The following KIRREL1 variants were observed in gnomAD, a reference collection of about 807,000 sequenced individuals.
KIRREL1 encodes kin of IRRE-like protein 1.
A neutral mutation model predicts 83.3 loss-of-function variants in KIRREL1; 25 were observed. The ratio of observed to expected loss-of-function variants is 0.30; its 90% confidence interval spans 0.22 to 0.42. KIRREL1 has a LOEUF of 0.42. Among genes scored for constraint, KIRREL1 ranks in the 10% least tolerant of loss-of-function variants. The probability of loss-of-function intolerance (pLI) is 1.00; values close to 1 mark genes in which losing one functional copy is unlikely to be tolerated. For missense variants in KIRREL1, 812 were observed against 1,032.3 expected (o/e 0.79, Z 2.92); for synonymous variants, 388 against 410.4 (o/e 0.95, Z 0.66).
At chr1:158,040,965 G>T (rs948326178) in intron 1 of KIRREL1, among the ~76,000 whole-genome samples, 5 of 152,176 alleles carry the variant, frequency 3.3e-5, no homozygotes, top group South Asian at 2.1e-4. Context: ...TAGGGGTAGG[G>T]GGAGCTGGGC....
chr1:158,010,326 A>AACACAC (rs56353855), intron 1 of KIRREL1, among the ~76,000 whole-genome samples: 3,874 of 72,176 alleles, frequency 0.054, 230 homozygotes, highest in African/African-American at 0.12. Context: ...CCCCACCATA[A>AACACAC]ACACACACAC....
chr1:158,023,753 C>T (rs1380601467), intron 1 of KIRREL1, among the ~76,000 whole-genome samples: 1 of 152,178 alleles, frequency 6.6e-6, no homozygotes, highest in Non-Finnish European at 1.5e-5. Flanking sequence ...AGATCTCTTC[C>T]AGCTTTAAGA....
rs1662144096 is a variant in KIRREL1 at position 158,089,949 on chromosome 1, T to TAC, written c.1272+131_1272+132insAC. ...GTTTCCATCCTCGAATCTTCTGCTT[T>TAC]CTGTCCCTCTGTCCCTTTACCTGCT... On this transcript the variant is annotated intron_variant, in intron 10 of 14. Transcript: ENST00000359209. 6.1e-5 allele frequency: 44 copies of TAC among 721,654 alleles called. No individual in the cohort carries two copies. In the South Asian group the frequency reaches 7.6e-4, roughly 12 times the overall value. The allele number at this position is 721,654 out of a possible 1,614,324, so 44.7% of individuals were successfully genotyped here.
At chr1:158,039,444 T>C (rs1660566415) in intron 1 of KIRREL1, among the ~76,000 whole-genome samples, 1 of 152,174 alleles carries the variant, frequency 6.6e-6, no homozygotes, top group African/African-American at 2.4e-5. Context: ...AGAAAACAAT[T>C]AGTGGTATTG....
intron 1 of KIRREL1, among the ~76,000 whole-genome samples, chr1:158,005,667 G>A (rs1659496791): frequency 6.6e-6 from 1 of 152,032 alleles, no homozygotes; most frequent in Non-Finnish European, 1.5e-5. Flanking sequence ...TAAAAACTGG[G>A]TCATGAGCAA....
intron 1 of KIRREL1, among the ~76,000 whole-genome samples, chr1:157,995,076 G>C (rs142716869): frequency 5.0e-4 from 76 of 152,328 alleles, no homozygotes; most frequent in African/African-American, 1.6e-3. Context: ...CCTCTTTTAG[G>C]GGGTGTCTGG....
chr1:158,015,539 G>A lies in KIRREL1; in HGVS notation c.52+21811G>A, dbSNP rs191962778. Among the ~76,000 whole-genome samples the A allele has an allele frequency of 9.8e-5, 15 of 152,338 alleles. No homozygotes were observed. In the East Asian group the frequency reaches 2.5e-3, roughly 25 times the overall value. ...GGAATGCTTTAAGGAACAGCCCTGT[G>A]AGACTCCTTACTGCATTTATGGTAG... On this transcript the variant is annotated intron_variant, in intron 1 of 14. Transcript: ENST00000359209.
chr1:158,091,593 G>A, intron 11 of KIRREL1, 37 bp downstream of exon 11: 2 of 1,593,838 alleles, frequency 1.3e-6, no homozygotes, highest in Non-Finnish European at 1.7e-6. Flanking sequence ...GGGGTGCAGA[G>A]CAGCCTGAGG....
Position 158,041,202 on chromosome 1 carries a change from C to T in KIRREL1, c.53-34911C>T, listed in dbSNP as rs571075656. 6.6e-5 allele frequency among the ~76,000 whole-genome samples: 10 copies of T among 152,268 alleles called. No individual in the cohort carries two copies. The South Asian group carries it at 1.9e-3, about 28-fold the overall frequency. On this transcript the variant is annotated intron_variant, in intron 1 of 14. Coordinates refer to ENST00000359209, the MANE Select transcript of KIRREL1 (RefSeq NM_018240.7). ...GTTGTGCTAGAGGGGAGAACAGGTC[C>T]TGTAGAGGCCTTGGGGAGGGTCAGC... is the stretch of plus-strand genomic sequence containing the variant.
At chr1:158,077,525 CCT>C (rs774891694) in intron 2 of KIRREL1, among the ~76,000 whole-genome samples, 2 of 152,138 alleles carry the variant, frequency 1.3e-5, no homozygotes, top group African/African-American at 2.4e-5. Context: ...CCAGCGGTCC[CCT>C]GCCTCATCCT....
At chr1:158,081,506 A>C (rs1661854836) in intron 3 of KIRREL1, among the ~76,000 whole-genome samples, 1 of 152,148 alleles carries the variant, frequency 6.6e-6, no homozygotes, top group South Asian at 2.1e-4. Flanking sequence ...TGTATTTTTG[A>C]AGTTTTATAA....
Position 158,093,680 on chromosome 1 carries a change from A to G in KIRREL1, c.1637A>G (p.Glu546Gly). Residue 546 changes from glutamate to glycine, a missense_variant, in exon 13 of 15, where the codon GAG becomes GGG. Glu to Gly is a moderately conservative substitution (Grantham distance 98). Transcript: ENST00000359209. The stretch of plus-strand genomic sequence containing the variant: ...ATCAAGGTGGAGACAGTGAACCGAG[A>G]GCCACTTACGATGCATTCTGACCGG... ...LDIKVETVNR[E>G]PLTMHSDRED... is the part of the protein sequence containing the mutation. 6.2e-7 allele frequency: 1 copy of G among 1,614,146 alleles called. No homozygotes were observed. The highest frequency in any genetic ancestry group is 1.1e-5 in the South Asian group (1 of 91,080).
At chr1:157,993,787 T>C in intron 1 of KIRREL1, 59 bp downstream of exon 1, 1 of 1,183,450 alleles carries the variant, frequency 8.4e-7, no homozygotes, top group Non-Finnish European at 1.2e-6. Flanking sequence ...GGGGCACTGC[T>C]TCCCCGGTGG....
intron 1 of KIRREL1, 75 bp downstream of exon 1, chr1:157,993,803 T>G: frequency 2.0e-6 from 2 of 994,652 alleles, no homozygotes; most frequent in Non-Finnish European, 1.4e-6. Flanking sequence ...GGTGGGAGAG[T>G]GCTGGAGTGC....
At chr1:158,063,282 G>C (rs1480251563) in intron 1 of KIRREL1, among the ~76,000 whole-genome samples, 1 of 152,060 alleles carries the variant, frequency 6.6e-6, no homozygotes, top group Non-Finnish European at 1.5e-5. Flanking sequence ...TTGGAAGTCA[G>C]ATAAGAAAAA....
intron 1 of KIRREL1, among the ~76,000 whole-genome samples, chr1:158,056,491 G>T (rs756353338): frequency 6.6e-6 from 1 of 152,190 alleles, no homozygotes; most frequent in Non-Finnish European, 1.5e-5. Flanking sequence ...ACCAGGAGAG[G>T]CAGGGGTCAG....
intron 6 of KIRREL1, 42 bp from the exon 7 acceptor site, chr1:158,087,964 G>T: frequency 6.2e-7 from 1 of 1,613,174 alleles, no homozygotes; most frequent in South Asian, 1.1e-5. Context: ...AGTTGAGAGG[G>T]TCTGAGGCCT....
At chr1:158,006,690 G>A (rs1428694106) in intron 1 of KIRREL1, among the ~76,000 whole-genome samples, 2 of 152,186 alleles carry the variant, frequency 1.3e-5, no homozygotes, top group African/African-American at 2.4e-5. Context: ...CTTCTCAGCC[G>A]CTCAGAGCAG....
intron 1 of KIRREL1, among the ~76,000 whole-genome samples, chr1:158,026,488 C>T (rs1328490953): frequency 6.6e-6 from 1 of 152,078 alleles, no homozygotes; most frequent in African/African-American, 2.4e-5. Context: ...GAATGGGACG[C>T]TATGTGGAAA....
Sources: gnomAD v4.1 joint callset for allele counts (sites outside exome capture counted in the v4.1 genomes callset) on GRCh38, gnomAD v4.1.1 for gene constraint, MANE v1.5 for transcripts, NCBI Gene and HGNC (gene_info 2026-07-23, HGNC 2026-07-21) for gene names.